QSOX1: variants seen among roughly 807,000 people sequenced by gnomAD.
QSOX1 encodes the protein quiescin sulfhydryl oxidase 1.
Under a neutral mutation model 76.1 loss-of-function variants are expected in QSOX1, and 40 were observed. The observed-to-expected ratio is 0.53, with a 90% CI of 0.41 to 0.68. The LOEUF (loss-of-function observed/expected upper bound fraction) is 0.68. QSOX1 is among the 30% of genes least tolerant of loss of function. The pLI is 0.00. For missense variants in QSOX1, 931 were observed against 974.3 expected (o/e 0.96, Z 0.59); for synonymous variants, 392 against 413.1 (o/e 0.95, Z 0.62).
Position 180,196,662 on chromosome 1 carries a change from G to A in QSOX1, c.1869G>A (p.Glu623=). The stretch of plus-strand genomic sequence containing the variant: ...CTGCACCAGGCCAGGAGCCTCCTGA[G>A]CACATGGCAGAGCTTCAGAGGAATG... ...LRAAPGQEPP[E]HMAELQRNEQ... Residue 623 remains glutamate, a synonymous_variant, in exon 12 of 12, where the codon GAG becomes GAA. Transcript: ENST00000367602. This position sits in a 1 kb window ranked among gnomAD's most constrained non-coding sequence, Gnocchi z 4.1. 6.2e-7 allele frequency: 1 copy of A among 1,614,154 alleles called. No individual in the cohort carries two copies.
chr1:180,165,621 A>G (rs554667623), intron 1 of QSOX1, among the ~76,000 whole-genome samples: 2 of 152,346 alleles, frequency 1.3e-5, no homozygotes, highest in South Asian at 2.1e-4. Flanking sequence ...TCTGTGCCAC[A>G]TGATTTGGCC....
At position 180,165,881 on chromosome 1, in the gene QSOX1, T is replaced by G. The variant is rs60107761; in HGVS notation, c.266-610T>G. On this transcript the variant is annotated intron_variant, in intron 1 of 11. Coordinates refer to ENST00000367602, the MANE Select transcript of QSOX1 (RefSeq NM_002826.5). ...AGCAGCCTTGTGGCCCGGGGCCTGA[T>G]GCAGGGGCCAGACTCTGGCCTCAAG... Among the ~76,000 whole-genome samples, 3 of 152,262 alleles carry G rather than the reference T, an allele frequency of 2.0e-5. No homozygotes were observed. In the East Asian group the frequency reaches 5.8e-4, roughly 29 times the overall value.
At chr1:180,184,737 G>A (rs1663127951) in intron 7 of QSOX1, among the ~76,000 whole-genome samples, 1 of 152,198 alleles carries the variant, frequency 6.6e-6, no homozygotes, top group Admixed American at 6.5e-5. Flanking sequence ...CTCAGAGCTG[G>A]CCAGGACGGT....
chr1:180,197,067 C>A lies in QSOX1; in HGVS notation c.*30C>A. On this transcript the variant is annotated 3_prime_UTR_variant, in exon 12 of 12. Coordinates refer to ENST00000367602, the MANE Select transcript of QSOX1 (RefSeq NM_002826.5). ...CCTGGGGAGGAGGCGGGAGAGGGAG[C>A]TGCCATCTCTAGGCACCTCAAGCCC... The A allele has an allele frequency of 6.3e-7, 1 of 1,577,764 alleles. No homozygotes were observed. Among genetic ancestry groups the A allele is most frequent in the Non-Finnish European group, 8.6e-7 (1 of 1,162,616 alleles).
chr1:180,163,765 G>A (rs1662546550), intron 1 of QSOX1, among the ~76,000 whole-genome samples: 1 of 152,206 alleles, frequency 6.6e-6, no homozygotes, highest in African/African-American at 2.4e-5. Context: ...TTCTTCTAAA[G>A]TCAGTTAGAG....
At chr1:180,159,275 T>C (rs936237812) in intron 1 of QSOX1, among the ~76,000 whole-genome samples, 1 of 152,264 alleles carries the variant, frequency 6.6e-6, no homozygotes, top group African/African-American at 2.4e-5. Context: ...AGAGCTAGAC[T>C]GATACTACTG....
At chr1:180,164,429 C>G (rs1355886554) in intron 1 of QSOX1, among the ~76,000 whole-genome samples, 1 of 152,196 alleles carries the variant, frequency 6.6e-6, no homozygotes, top group Non-Finnish European at 1.5e-5. Context: ...CCCCACCCAC[C>G]TCCCTCCTTC....
rs539772653 is a variant in QSOX1, at chr1:180,178,062, C to T, written c.516-732C>T. Among the ~76,000 whole-genome samples the T allele has an allele frequency of 9.2e-5, 14 of 152,250 alleles. No individual in the cohort carries two copies. The East Asian group carries it at 2.5e-3, about 27-fold the overall frequency. On this transcript the variant is annotated intron_variant, in intron 4 of 11. Coordinates refer to ENST00000367602, the MANE Select transcript of QSOX1 (RefSeq NM_002826.5). ...CATCTCCCCCTTGGTCGTGACTTGT[C>T]ACAGTTCCAGACTTATAGCTGTTGG...
At chr1:180,179,977 C>A (rs1662989414) in intron 5 of QSOX1, among the ~76,000 whole-genome samples, 1 of 152,230 alleles carries the variant, frequency 6.6e-6, no homozygotes, top group Non-Finnish European at 1.5e-5. Flanking sequence ...CCCCTCCCAC[C>A]ACAGTCCTTG....
chr1:180,160,780 C>T (rs1662476691), intron 1 of QSOX1, among the ~76,000 whole-genome samples: 2 of 152,184 alleles, frequency 1.3e-5, no homozygotes, highest in Admixed American at 1.3e-4. Flanking sequence ...TTTTGGTGAA[C>T]TCTTTGTGTA....
At chr1:180,166,889 G>A (rs1662643837) in intron 2 of QSOX1, among the ~76,000 whole-genome samples, 4 of 152,176 alleles carry the variant, frequency 2.6e-5, no homozygotes, top group Non-Finnish European at 5.9e-5. Flanking sequence ...CCCCACAAAG[G>A]GACCCCAGAC....
chr1:180,195,209 C>CTT (rs1663441434), intron 11 of QSOX1, among the ~76,000 whole-genome samples: 1 of 152,154 alleles, frequency 6.6e-6, no homozygotes, highest in Non-Finnish European at 1.5e-5. Context: ...CTCCCAGCTG[C>CTT]TGCTGGAGGG....
In QSOX1 at chr1:180,201,609, A is replaced by T. The variant is rs1245460574; in HGVS notation, c.*4572A>T. Reference sequence around the variant, plus strand: ...CCTGACTCCTTGTCCCTCCTCAGGCATGCTGTTGTGCAGGACAGAGCCCTG... The same window carrying T: ...CCTGACTCCTTGTCCCTCCTCAGGCTTGCTGTTGTGCAGGACAGAGCCCTG... On this transcript the variant is annotated 3_prime_UTR_variant, in exon 12 of 12. Transcript: ENST00000367602. 1.3e-5 allele frequency: 2 copies of T among 152,330 alleles called. No homozygotes were observed. The highest frequency in any genetic ancestry group is 4.8e-5 in the African/African-American group (2 of 41,456). 9.4% of individuals were successfully genotyped at this position (152,330 alleles called of 1,614,324 possible). A position where few individuals can be genotyped will look rare whatever the true frequency, so the allele number is the denominator to read the frequency against.
At chr1:180,165,597 C>A (rs1662597653) in intron 1 of QSOX1, among the ~76,000 whole-genome samples, 1 of 152,264 alleles carries the variant, frequency 6.6e-6, no homozygotes, top group Non-Finnish European at 1.5e-5. Context: ...GCCGACCTCT[C>A]CAAACTTGAG....
intron 2 of QSOX1, among the ~76,000 whole-genome samples, chr1:180,170,587 G>A (rs1662736734): frequency 6.6e-6 from 1 of 152,026 alleles, no homozygotes; most frequent in African/African-American, 2.4e-5. Context: ...AGTAGCTCCT[G>A]TGTAAAGTGA....
intron 8 of QSOX1, among the ~76,000 whole-genome samples, chr1:180,187,699 G>T (rs1310217827): frequency 1.3e-5 from 2 of 152,246 alleles, no homozygotes; most frequent in Non-Finnish European, 2.9e-5. Context: ...TCTGCCTTCA[G>T]CAAGGGCTGG....
rs1663673585 is a variant in QSOX1 at position 180,203,364 on chromosome 1, T to C, written c.*6327T>C. 3.3e-5 allele frequency: 5 copies of C among 152,192 alleles called. No homozygotes were observed. The South Asian group carries it at 1.0e-3, about 32-fold the overall frequency. 9.4% of individuals were successfully genotyped at this position (152,192 alleles called of 1,614,324 possible). A position where few individuals can be genotyped will look rare whatever the true frequency, so the allele number is the denominator to read the frequency against. On this transcript the variant is annotated 3_prime_UTR_variant, in exon 12 of 12. Coordinates refer to ENST00000367602, the MANE Select transcript of QSOX1 (RefSeq NM_002826.5). ...TTTAGAAAGCAACATTAGGATGAAC[T>C]TAAGTCAGGGCTTGGACTAGAGCAA...
intron 2 of QSOX1, among the ~76,000 whole-genome samples, chr1:180,167,161 C>T (rs996428307): frequency 6.6e-6 from 1 of 152,242 alleles, no homozygotes; most frequent in Non-Finnish European, 1.5e-5. Context: ...AACGTCTGAA[C>T]AGCTTCCAAG....
Position 180,197,000 on chromosome 1 carries a change from G to C in QSOX1, c.2207G>C (p.Arg736Thr). 1 of 1,612,020 alleles carries C rather than the reference G, an allele frequency of 6.2e-7. No individual in the cohort carries two copies. Among genetic ancestry groups the C allele is most frequent in the Non-Finnish European group, 8.5e-7 (1 of 1,178,956 alleles). ...TACACCTACTTCCAGGCCAAGATAA[G>C]GGCCCTGAAGGGCCATGCTGGCCAC... is the stretch of plus-strand genomic sequence containing the variant. ...AMYTYFQAKI[R>T]ALKGHAGHPA... The change falls in exon 12 of 12, where the codon AGG (arginine) becomes ACG (threonine). Residue 736 changes from arginine (R) to threonine (T), a missense_variant. Transcript: ENST00000367602. The surrounding 1 kb of genome is among the most constrained non-coding windows in gnomAD (Gnocchi z 4.1).
Sources: allele counts gnomAD v4.1 joint callset (sites outside exome capture counted in the v4.1 genomes callset), GRCh38; gene constraint gnomAD v4.1.1; non-coding constraint Gnocchi (gnomAD v3.1); transcripts MANE v1.5; gene names NCBI Gene and HGNC (gene_info 2026-07-23, HGNC 2026-07-21).